DNAJC1: variants seen among roughly 807,000 people sequenced by gnomAD.
DNAJC1 encodes dnaJ homolog subfamily C member 1.
A neutral mutation model predicts 76.6 loss-of-function variants in DNAJC1; 58 were observed. The observed-to-expected ratio is 0.76, with a 90% CI of 0.61 to 0.94. DNAJC1 has a LOEUF of 0.94. DNAJC1 is among the 40% of genes least tolerant of loss of function. DNAJC1 has a pLI of 0.00. For synonymous variants in DNAJC1, 258 were observed against 267.9 expected (o/e 0.96, Z 0.36); for missense variants, 689 against 677.3 (o/e 1.02, Z -0.19).
intron 8 of DNAJC1, among the ~76,000 whole-genome samples, chr10:21,872,349 C>T (rs756070029): frequency 1.3e-5 from 2 of 152,078 alleles, no homozygotes; most frequent in Admixed American, 6.6e-5. Flanking sequence ...TGATTACAGG[C>T]GTGAGCCACC....
At chr10:21,933,736 T>C (rs911997735) in intron 1 of DNAJC1, among the ~76,000 whole-genome samples, 4 of 152,188 alleles carry the variant, frequency 2.6e-5, no homozygotes, top group Non-Finnish European at 5.9e-5. Context: ...TATATGATGG[T>C]GGTCCCATAA....
chr10:21,923,194 A>G (rs1300340039), intron 3 of DNAJC1, among the ~76,000 whole-genome samples: 5 of 151,986 alleles, frequency 3.3e-5, no homozygotes, highest in Non-Finnish European at 7.4e-5. Context: ...CTAAGGATTA[A>G]GCTTAGAATC....
At chr10:21,759,998 A>T (rs1182163172) in intron 10 of DNAJC1, among the ~76,000 whole-genome samples, 1 of 152,266 alleles carries the variant, frequency 6.6e-6, no homozygotes, top group Non-Finnish European at 1.5e-5. Context: ...CACTGGAAAG[A>T]CAAAAATCAA....
intron 7 of DNAJC1, among the ~76,000 whole-genome samples, chr10:21,901,615 C>A (rs184036863): frequency 6.6e-6 from 1 of 152,116 alleles, no homozygotes; most frequent in Non-Finnish European, 1.5e-5. Flanking sequence ...CTTTTCACTG[C>A]CCCCCATATC....
At chr10:21,874,031 T>C (rs1419857739) in intron 8 of DNAJC1, among the ~76,000 whole-genome samples, 2 of 152,172 alleles carry the variant, frequency 1.3e-5, no homozygotes, top group South Asian at 2.1e-4. Context: ...AGCTGTAACA[T>C]AGCCAAAAGA....
chr10:21,993,773 G>C (rs960249590), intron 1 of DNAJC1, among the ~76,000 whole-genome samples: 1 of 152,046 alleles, frequency 6.6e-6, no homozygotes, highest in African/African-American at 2.4e-5. Flanking sequence ...AATATATAAT[G>C]AATACTATCA....
chr10:21,829,655 C>A (rs1267633320), intron 8 of DNAJC1, among the ~76,000 whole-genome samples: 1 of 152,342 alleles, frequency 6.6e-6, no homozygotes, highest in Non-Finnish European at 1.5e-5. Context: ...CTGGGCCCAT[C>A]CCTTTACTTT....
intron 1 of DNAJC1, among the ~76,000 whole-genome samples, chr10:21,995,125 G>A (rs914484303): frequency 9.9e-5 from 15 of 151,818 alleles, no homozygotes; most frequent in African/African-American, 3.4e-4. Flanking sequence ...AAAGTCAGAG[G>A]TTTCTTTTTA....
intron 8 of DNAJC1, among the ~76,000 whole-genome samples, chr10:21,872,898 G>A (rs1215452282): frequency 3.3e-5 from 5 of 151,844 alleles, no homozygotes; most frequent in African/African-American, 1.2e-4. Context: ...TCCAAAGAAA[G>A]AAGAAGTAAA....
In DNAJC1 at chr10:21,906,830, CAGTT is replaced by C. The variant is rs200627011; in HGVS notation, c.730-2222_730-2219del. ...ATTAAATGTGTTAATACCTGGGAAACAGTTAGAATGATATCTTCTACACAGTTAG... is the reference window on the plus strand; with the variant it reads ...ATTAAATGTGTTAATACCTGGGAAACAGAATGATATCTTCTACACAGTTAG... On this transcript the variant is annotated intron_variant, in intron 6 of 11. Transcript: ENST00000376980. 6.3e-3 allele frequency among the ~76,000 whole-genome samples: 958 copies of C among 152,216 alleles called. 6 individuals are homozygous for C. The highest frequency in any genetic ancestry group is 0.017 in the Admixed American group (253 of 15,294).
rs548092296 is a variant in DNAJC1, at chr10:21,827,999, A to G, written c.979-21900T>C. ...GGATATGGGCATCTTCAACTTTACA[A>G]TTAGATATTGTCAAATTACTCTCCA... On this transcript the variant is annotated intron_variant, in intron 8 of 11. Transcript: ENST00000376980. Among the ~76,000 whole-genome samples the G allele has an allele frequency of 2.0e-5, 3 of 152,300 alleles. No homozygotes were observed. In the South Asian group the frequency reaches 6.2e-4, roughly 32 times the overall value.
At chr10:21,999,325 C>G (rs1158368620) in intron 1 of DNAJC1, among the ~76,000 whole-genome samples, 1 of 152,172 alleles carries the variant, frequency 6.6e-6, no homozygotes, top group Non-Finnish European at 1.5e-5. Context: ...TTTAACCCAG[C>G]TGATCCCTTT....
chr10:21,761,343 T>C (rs1834238251), intron 10 of DNAJC1, among the ~76,000 whole-genome samples: 1 of 152,176 alleles, frequency 6.6e-6, no homozygotes, highest in Non-Finnish European at 1.5e-5. Context: ...GGGGATCCCC[T>C]GAGGTCAGGA....
At chr10:21,821,266 A>G (rs572527779) in intron 8 of DNAJC1, among the ~76,000 whole-genome samples, 1 of 152,322 alleles carries the variant, frequency 6.6e-6, no homozygotes, top group East Asian at 1.9e-4. Context: ...CTTGCCTTCA[A>G]TATTGTAACA....
chr10:21,926,181 A>G (rs964832814), intron 3 of DNAJC1, among the ~76,000 whole-genome samples: 1 of 151,286 alleles, frequency 6.6e-6, no homozygotes, highest in Non-Finnish European at 1.5e-5. Flanking sequence ...CCAACTCCTG[A>G]GTTCAAGGGA....
chr10:21,906,074 T>C (rs1462371634), intron 6 of DNAJC1, among the ~76,000 whole-genome samples: 1 of 152,204 alleles, frequency 6.6e-6, no homozygotes, highest in Non-Finnish European at 1.5e-5. Flanking sequence ...ATCAGAACTC[T>C]TCCACCTAAT....
At chr10:21,858,165 A>T (rs1281110891) in intron 8 of DNAJC1, among the ~76,000 whole-genome samples, 1 of 152,162 alleles carries the variant, frequency 6.6e-6, no homozygotes, top group Non-Finnish European at 1.5e-5. Context: ...AAATTTTTTT[A>T]TGTGTTACAT....
In DNAJC1 at chr10:21,975,562, T is replaced by C. The variant is rs1467073385; in HGVS notation, c.222+27651A>G. Among the ~76,000 whole-genome samples, 4 of 152,208 alleles carry C rather than the reference T, an allele frequency of 2.6e-5. No individual in the cohort carries two copies. The South Asian group carries it at 6.2e-4, about 24-fold the overall frequency. ...TTAGCAACTCTGTTTACACAGACAA[T>C]AGAAAGTGCCACTAGAGTGGCAAAT... is the stretch of plus-strand genomic sequence containing the variant. On this transcript the variant is annotated intron_variant, in intron 1 of 11. Coordinates refer to ENST00000376980, the MANE Select transcript of DNAJC1 (RefSeq NM_022365.4).
intron 9 of DNAJC1, among the ~76,000 whole-genome samples, chr10:21,800,912 C>T (rs1210640069): frequency 6.6e-6 from 1 of 152,046 alleles, no homozygotes; most frequent in Non-Finnish European, 1.5e-5. Flanking sequence ...AATCTCTAGA[C>T]AAATTTAAAG....
Sources: gnomAD v4.1 joint callset for allele counts (sites outside exome capture counted in the v4.1 genomes callset) on GRCh38, gnomAD v4.1.1 for gene constraint, MANE v1.5 for transcripts, NCBI Gene and HGNC (gene_info 2026-07-23, HGNC 2026-07-21) for gene names.